Variants in IGF1R observed in about 807,000 individuals in gnomAD.
The protein encoded by IGF1R is insulin-like growth factor 1 receptor.
IGF1R carries 44 observed loss-of-function variants against 144.6 expected under a neutral mutation model. The observed-to-expected ratio is 0.30, with a 90% CI of 0.24 to 0.39. IGF1R has a LOEUF of 0.39. Among genes scored for constraint, IGF1R ranks in the 10% least tolerant of loss-of-function variants. The pLI is 1.00. For synonymous variants in IGF1R, 795 were observed against 722.8 expected, an observed-to-expected ratio of 1.10 and a Z score of -1.60; for missense variants, 1,355 against 1,833.7, an observed-to-expected ratio of 0.74 and a Z score of 4.77.
chr15:98,723,854 T>G (rs2141284958), intron 2 of IGF1R, among the ~76,000 whole-genome samples: 1 of 152,306 alleles, frequency 6.6e-6, no homozygotes, highest in Non-Finnish European at 1.5e-5. Flanking sequence ...TCTTAACATT[T>G]TTTGTTTATT....
rs1283830853 is a variant in IGF1R, at chr15:98,934,161, C to G, written c.2957-663C>G. ...AATCTTTGAAATCCCATGTGCATGT[C>G]TCAAATTGGACTGGCCACATGGAAT... On this transcript the variant is annotated intron_variant, in intron 15 of 20. Coordinates refer to ENST00000650285, the MANE Select transcript of IGF1R (RefSeq NM_000875.5). 2.1e-5 allele frequency among the ~76,000 whole-genome samples: 3 copies of G among 141,670 alleles called. No homozygotes were observed. The East Asian group carries it at 6.1e-4, about 29-fold the overall frequency. 92.9% of individuals were successfully genotyped at this position (141,670 alleles called of 152,430 possible).
chr15:98,726,852 T>A (rs934862338), intron 2 of IGF1R, among the ~76,000 whole-genome samples: 2 of 151,882 alleles, frequency 1.3e-5, no homozygotes, highest in Non-Finnish European at 2.9e-5. Context: ...CCTGAGTAGC[T>A]GGGATTACAG....
intron 8 of IGF1R, among the ~76,000 whole-genome samples, chr15:98,914,624 C>A (rs1461957798): frequency 6.6e-6 from 1 of 152,144 alleles, no homozygotes; most frequent in Non-Finnish European, 1.5e-5. Context: ...GGAAGTAACC[C>A]CTGGCCAGCA....
chr15:98,725,719 T>C (rs566730514), intron 2 of IGF1R, among the ~76,000 whole-genome samples: 1 of 152,354 alleles, frequency 6.6e-6, no homozygotes, highest in South Asian at 2.1e-4. Context: ...GATAAAGACG[T>C]ACCCAAGACT....
chr15:98,889,930 G>A (rs1267639916), intron 2 of IGF1R, among the ~76,000 whole-genome samples: 2 of 152,318 alleles, frequency 1.3e-5, no homozygotes, highest in African/African-American at 4.8e-5. Context: ...ATGCAAACCA[G>A]ATTTCATATT....
intron 1 of IGF1R, among the ~76,000 whole-genome samples, chr15:98,698,264 C>T (rs1033036332): frequency 1.3e-5 from 2 of 151,720 alleles, no homozygotes; most frequent in Non-Finnish European, 2.9e-5. Flanking sequence ...GTCTTGAACT[C>T]CTGACCTCGT....
At chr15:98,784,653 T>C (rs1410923569) in intron 2 of IGF1R, among the ~76,000 whole-genome samples, 2 of 152,070 alleles carry the variant, frequency 1.3e-5, no homozygotes, top group Non-Finnish European at 2.9e-5. Context: ...CTTTGTCTCC[T>C]TCAGTTCTAC....
At chr15:98,757,693 A>G (rs1437776875) in intron 2 of IGF1R, among the ~76,000 whole-genome samples, 1 of 151,716 alleles carries the variant, frequency 6.6e-6, no homozygotes, top group African/African-American at 2.4e-5. Flanking sequence ...TGCTTGGTAT[A>G]CTCTTGTTCA....
At position 98,707,957 on chromosome 15, in the gene IGF1R, G is replaced by A; in HGVS notation, c.490G>A (p.Val164Met). ...GGACTGGTCCCTGATCCTGGATGCG[G>A]TGTCCAATAACTACATTGTGGGGAA... is the stretch of plus-strand genomic sequence containing the variant. ...TVDWSLILDAVSNNYIVGNKP... is the reference protein window; with the variant it reads ...TVDWSLILDAMSNNYIVGNKP... The change falls in exon 2 of 21, where the codon GTG becomes ATG. Residue 164 changes from valine to methionine, a missense_variant. Coordinates refer to ENST00000650285, the MANE Select transcript of IGF1R (RefSeq NM_000875.5). The surrounding 1 kb of genome is among the most constrained non-coding windows in gnomAD (Gnocchi z 6.7). 6.2e-7 allele frequency: 1 copy of A among 1,614,160 alleles called. No individual in the cohort carries two copies. The highest frequency in any genetic ancestry group is 8.5e-7 in the Non-Finnish European group (1 of 1,180,034).
intron 2 of IGF1R, among the ~76,000 whole-genome samples, chr15:98,799,929 G>C (rs1025607652): frequency 1.3e-5 from 2 of 152,142 alleles, no homozygotes; most frequent in Non-Finnish European, 2.9e-5. Flanking sequence ...GACTGCTCTG[G>C]TATTAGGGCA....
At chr15:98,827,201 T>C (rs1227926772) in intron 2 of IGF1R, among the ~76,000 whole-genome samples, 1 of 152,206 alleles carries the variant, frequency 6.6e-6, no homozygotes, top group Non-Finnish European at 1.5e-5. Flanking sequence ...GCTGTTGTTT[T>C]CATATTTGTA....
chr15:98,762,570 A>G lies in IGF1R; in HGVS notation c.640+54463A>G, dbSNP rs188832371. On this transcript the variant is annotated intron_variant, in intron 2 of 20. Coordinates refer to ENST00000650285, the MANE Select transcript of IGF1R (RefSeq NM_000875.5). ...TGGTGAAACCCCGTCTCTACTGAAAATACAAAAGTTAGCTGGGCGTGGTGG... is the reference window on the plus strand; with the variant it reads ...TGGTGAAACCCCGTCTCTACTGAAAGTACAAAAGTTAGCTGGGCGTGGTGG... 1.4e-3 allele frequency among the ~76,000 whole-genome samples: 216 copies of G among 152,186 alleles called. 1 individual carries two copies. Among genetic ancestry groups the G allele is most frequent in the East Asian group, 7.0e-3 (36 of 5,176 alleles).
chr15:98,810,554 C>CTTTTTT (rs1289249437), intron 2 of IGF1R, among the ~76,000 whole-genome samples: 11 of 138,700 alleles, frequency 7.9e-5, no homozygotes, highest in South Asian at 2.3e-4. Context: ...CTTTTCTTTT[C>CTTTTTT]TTTTTTTTTT....
chr15:98,701,145 C>G (rs1341482193), intron 1 of IGF1R, among the ~76,000 whole-genome samples: 2 of 152,016 alleles, frequency 1.3e-5, no homozygotes, highest in African/African-American at 2.4e-5. Context: ...TGAGACAAAA[C>G]CGACTTCTCA....
chr15:98,752,570 C>G (rs2055038983), intron 2 of IGF1R, among the ~76,000 whole-genome samples: 1 of 152,058 alleles, frequency 6.6e-6, no homozygotes, highest in African/African-American at 2.4e-5. Context: ...GTAATCCCAG[C>G]TACTCTGGAC....
chr15:98,725,394 C>T (rs73473499), intron 2 of IGF1R, among the ~76,000 whole-genome samples: 15,139 of 151,830 alleles, frequency 0.1, 1,363 homozygotes, highest in African/African-American at 0.24. Flanking sequence ...TCTTTTTTTT[C>T]CCCTAATCTG....
rs1421536069 is a variant in IGF1R at position 98,648,609 on chromosome 15, CGGAAAAAAAAA to C, written c.-970_-960del. On this transcript the variant is annotated 5_prime_UTR_variant, in exon 1 of 21. Coordinates refer to ENST00000650285, the MANE Select transcript of IGF1R (RefSeq NM_000875.5). ...GTTTACCAGCATTAACTCCGCTGAG[CGGAAAAAAAAA>C]GGGAAAAAACCCGAGGAGGAGCGAG... is the stretch of plus-strand genomic sequence containing the variant. Among the ~76,000 whole-genome samples the C allele has an allele frequency of 7.0e-6, 1 of 142,416 alleles. No homozygotes were observed. Among genetic ancestry groups the C allele is most frequent in the African/African-American group, 2.5e-5 (1 of 39,288 alleles). 93.4% of individuals were successfully genotyped at this position (142,416 alleles called of 152,430 possible).
chr15:98,795,979 A>G (rs992089272), intron 2 of IGF1R, among the ~76,000 whole-genome samples: 5 of 152,244 alleles, frequency 3.3e-5, no homozygotes, highest in Admixed American at 3.3e-4. Context: ...CATCAACAAT[A>G]CAGCCATCCA....
rs538423782 is a variant in IGF1R at position 98,922,676 on chromosome 15, T to C, written c.2485+245T>C. On this transcript the variant is annotated intron_variant, in intron 11 of 20. Transcript: ENST00000650285. ...ATAGAACGTGCTGGGAGCAGGGAGC[T>C]GTCTGCAGGGTCCACCCTCCACCTG... Among the ~76,000 whole-genome samples, 3 of 152,352 alleles carry C rather than the reference T, an allele frequency of 2.0e-5. No homozygotes were observed. In the East Asian group the frequency reaches 5.8e-4, roughly 29 times the overall value.
Sources: allele counts gnomAD v4.1 joint callset (sites outside exome capture counted in the v4.1 genomes callset), GRCh38; gene constraint gnomAD v4.1.1; non-coding constraint Gnocchi (gnomAD v3.1); transcripts MANE v1.5; gene names NCBI Gene and HGNC (gene_info 2026-07-23, HGNC 2026-07-21).